The following MLIP variants were observed in gnomAD, a reference collection of about 807,000 sequenced individuals.
MLIP encodes muscular LMNA interacting protein, also known as muscular LMNA-interacting protein.
MLIP carries 79 observed loss-of-function variants against 84.8 expected under a neutral mutation model. The ratio of observed to expected loss-of-function variants is 0.93; its 90% CI spans 0.78 to 1.12. The LOEUF (loss-of-function observed/expected upper bound fraction) is 1.12, where lower values mean the gene tolerates loss of function less well. Ranked by LOEUF, MLIP falls within the 50% of genes most tolerant of loss-of-function variation. The pLI is 0.00. For missense variants in MLIP, 1,257 were observed against 1,160.6 expected (o/e 1.08, Z -1.21); for synonymous variants, 504 against 463.0 (o/e 1.09, Z -1.14).
intron 11 of MLIP, among the ~76,000 whole-genome samples, chr6:54,214,798 A>G (rs1779733024): frequency 6.6e-6 from 1 of 152,206 alleles, no homozygotes; most frequent in Admixed American, 6.5e-5. Context: ...ACACAGGACT[A>G]TGAGAAAGAC....
At position 54,137,047 on chromosome 6, in the gene MLIP, T is replaced by G; in HGVS notation, c.978T>G (p.Val326=). 6.5e-7 allele frequency: 1 copy of G among 1,536,036 alleles called. No individual in the cohort carries two copies. Among genetic ancestry groups the G allele is most frequent in the Non-Finnish European group, 8.7e-7 (1 of 1,146,878 alleles). Residue 326 remains valine, a synonymous_variant, in exon 4 of 14, where the codon GTT becomes GTG. Transcript: ENST00000502396. ...ADPKPGLTSE[V]LKKTTLTSHV... ...CAAAGCCTGGACTGACCTCTGAAGT[T>G]CTCAAGAAGACAACTTTAACCTCGC...
chr6:54,202,402 ATGCT>A (rs1778754383), intron 11 of MLIP, among the ~76,000 whole-genome samples, 169 bp downstream of exon 11: 1 of 150,910 alleles, frequency 6.6e-6, no homozygotes, highest in Non-Finnish European at 1.5e-5. Flanking sequence ...GTAATGAAAA[ATGCT>A]TGCATAATAA....
At chr6:54,183,370 G>T (rs1777076257) in intron 9 of MLIP, among the ~76,000 whole-genome samples, 2 of 152,126 alleles carry the variant, frequency 1.3e-5, no homozygotes, top group African/African-American at 2.4e-5. Context: ...TTTTATATTT[G>T]TTCAGAAATA....
intron 11 of MLIP, among the ~76,000 whole-genome samples, chr6:54,228,839 T>C (rs971760936): frequency 9.9e-5 from 15 of 152,240 alleles, no homozygotes; most frequent in Non-Finnish European, 1.9e-4. Context: ...TGTCCTTTTC[T>C]CACATAGTTA....
chr6:54,108,661 A>G (rs1425625554), upstream of MLIP, among the ~76,000 whole-genome samples: 1 of 152,230 alleles, frequency 6.6e-6, no homozygotes, highest in Non-Finnish European at 1.5e-5. Flanking sequence ...AAAGTTACCA[A>G]TAAGACACAG....
chr6:54,108,172 T>C (rs1453884855), upstream of MLIP, among the ~76,000 whole-genome samples: 1 of 152,194 alleles, frequency 6.6e-6, no homozygotes, highest in Non-Finnish European at 1.5e-5. Context: ...TATTGCAAGC[T>C]TTGACAAACT....
At chr6:54,029,219 T>C (rs1297959118) in intron 1 of MLIP, 2 of 152,222 alleles carry the variant, frequency 1.3e-5, no homozygotes, top group African/African-American at 4.8e-5. Context: ...TGCTACGGTC[T>C]GGATGTGTCC....
At chr6:54,094,581 T>A (rs1278944493) in intron 1 of MLIP, among the ~76,000 whole-genome samples, 2 of 151,464 alleles carry the variant, frequency 1.3e-5, no homozygotes, top group Non-Finnish European at 2.9e-5. Context: ...ATATTTGTCT[T>A]CTTTCTGACT....
Position 54,061,518 on chromosome 6 carries a change from T to C in MLIP, c.63+42427T>C, listed in dbSNP as rs199993175. Among the ~76,000 whole-genome samples, 11 of 152,336 alleles carry C rather than the reference T, an allele frequency of 7.2e-5. No homozygotes were observed. The East Asian group carries it at 2.1e-3, about 29-fold the overall frequency. On this transcript the variant is annotated intron_variant, in intron 1 of 12. Transcript: ENST00000274897. ...GATAAAATAAGCAAATAACCACTGT[T>C]ATTATTATTTCATTGTGCTCAAAGC...
At chr6:54,187,050 T>C (rs1225467525) in intron 9 of MLIP, among the ~76,000 whole-genome samples, 1 of 152,096 alleles carries the variant, frequency 6.6e-6, no homozygotes, top group African/African-American at 2.4e-5. Context: ...ATCCCTACCC[T>C]ACATTCTTGG....
In MLIP at chr6:54,265,993, T is replaced by A. The variant is rs1195307329; in HGVS notation, c.*38T>A. ...GGCTGAAAACACAGGCTGCTGAAGT[T>A]TTTTGGAATGCTGGTGCTAACCACT... On this transcript the variant is annotated 3_prime_UTR_variant, in exon 14 of 14. Coordinates refer to ENST00000502396, the MANE Select transcript of MLIP (RefSeq NM_001281747.2). 1.2e-5 allele frequency: 19 copies of A among 1,609,772 alleles called. No homozygotes were observed. Among genetic ancestry groups the A allele is most frequent in the Non-Finnish European group, 1.4e-5 (16 of 1,177,622 alleles).
At chr6:54,125,547 T>G (rs923984653) in intron 3 of MLIP, among the ~76,000 whole-genome samples, 1 of 152,172 alleles carries the variant, frequency 6.6e-6, no homozygotes, top group African/African-American at 2.4e-5. Flanking sequence ...AAAGAAAGGA[T>G]GCGGACAAGG....
At chr6:54,063,501 T>C (rs964462567) in intron 1 of MLIP, among the ~76,000 whole-genome samples, 3 of 152,242 alleles carry the variant, frequency 2.0e-5, no homozygotes, top group Non-Finnish European at 4.4e-5. Flanking sequence ...AACAATGGTG[T>C]GCTAATTCTG....
intron 12 of MLIP, among the ~76,000 whole-genome samples, chr6:54,236,101 C>T (rs1254230172): frequency 6.6e-6 from 1 of 152,156 alleles, no homozygotes; most frequent in African/African-American, 2.4e-5. Context: ...TCCCCTTTGC[C>T]ATAGGGAACT....
At chr6:54,053,045 T>C (rs979721479) in intron 1 of MLIP, among the ~76,000 whole-genome samples, 3 of 152,220 alleles carry the variant, frequency 2.0e-5, no homozygotes, top group African/African-American at 7.2e-5. Flanking sequence ...GTGCATCATC[T>C]TCTCACAAAA....
chr6:54,111,500 T>A lies in MLIP; in HGVS notation c.21T>A (p.Leu7=). 1.3e-6 allele frequency: 2 copies of A among 1,536,066 alleles called. No individual in the cohort carries two copies. Among genetic ancestry groups the A allele is most frequent in the Non-Finnish European group, 1.7e-6 (2 of 1,146,862 alleles). Residue 7 remains leucine (L), a synonymous_variant, in exon 1 of 14, where the codon CTT becomes CTA. Transcript: ENST00000502396. The stretch of plus-strand genomic sequence containing the variant: ...AATCAATGCTTTCAGAACAGGGGCT[T>A]CTGAGTGACTGCGGGAACAATTACT... MLSEQG[L]LSDCGNNYFQ...
intron 1 of MLIP, among the ~76,000 whole-genome samples, chr6:54,026,574 GA>G (rs1397467937): frequency 2.0e-5 from 3 of 152,194 alleles, no homozygotes; most frequent in African/African-American, 7.2e-5. Flanking sequence ...GGATCATTGG[GA>G]AATTGCTAAG....
rs189837516 is a variant in MLIP at position 54,056,187 on chromosome 6, C to T, written c.63+37096C>T. On this transcript the variant is annotated intron_variant, in intron 1 of 12. Coordinates refer to the MLIP transcript ENST00000274897. ...TACGTGAATTATTTGAACTAAAACT[C>T]ATCCATCATGCACCTAGGTAGTCCT... Among the ~76,000 whole-genome samples, 50 of 152,222 alleles carry T rather than the reference C, an allele frequency of 3.3e-4. 1 individual carries two copies. The highest frequency in any genetic ancestry group is 3.4e-3 in the Middle Eastern group (1 of 294).
At chr6:54,077,249 T>A (rs935637989) in intron 1 of MLIP, among the ~76,000 whole-genome samples, 1 of 152,148 alleles carries the variant, frequency 6.6e-6, no homozygotes, top group Non-Finnish European at 1.5e-5. Flanking sequence ...AGTTGACAAA[T>A]CTTTTGTGTA....
Sources: allele counts gnomAD v4.1 joint callset (sites outside exome capture counted in the v4.1 genomes callset), GRCh38; gene constraint gnomAD v4.1.1; transcripts MANE v1.5; gene names NCBI Gene and HGNC (gene_info 2026-07-23, HGNC 2026-07-21).